Variants in TLN2 observed in about 807,000 individuals in gnomAD.
TLN2 encodes talin-2.
TLN2 carries 118 observed loss-of-function variants against 294.7 expected under a neutral mutation model. The observed-to-expected ratio is 0.40, with a 90% CI of 0.34 to 0.47. The LOEUF is 0.47. Among genes scored for constraint, TLN2 ranks in the 20% least tolerant of loss-of-function variants. TLN2 has a pLI of 0.84. For missense variants in TLN2, 3,083 were observed against 3,282.2 expected (o/e 0.94, Z 1.48); for synonymous variants, 1,431 against 1,304.5 (o/e 1.10, Z -2.09).
At chr15:62,738,128 C>T in intron 29 of TLN2, 86 bp from the exon 30 acceptor site, 1 of 1,508,758 alleles carries the variant, frequency 6.6e-7, no homozygotes. Flanking sequence ...GTATCTGCTT[C>T]AGCTCTGCAT....
At position 62,736,985 on chromosome 15, in the gene TLN2, T is replaced by C; in HGVS notation, c.3466T>C (p.Ser1156Pro). ...DPAAAHAMLD[S>P]ARDVMEGSAM... Reference sequence around the variant, plus strand: ...CGCGGCCGCCCATGCCATGTTAGATTCTGCTCGAGACGTGATGGAGGGCTC... The same window carrying C: ...CGCGGCCGCCCATGCCATGTTAGATCCTGCTCGAGACGTGATGGAGGGCTC... The change falls in exon 29 of 59, where the codon TCT (serine) becomes CCT (proline). Residue 1156 changes from serine (S) to proline (P), a missense_variant. Ser to Pro is a moderately conservative substitution (Grantham distance 74, BLOSUM62 -1). Transcript: ENST00000636159. 3.1e-6 allele frequency: 5 copies of C among 1,614,152 alleles called. No homozygotes were observed. Among genetic ancestry groups the C allele is most frequent in the Non-Finnish European group, 4.2e-6 (5 of 1,180,030 alleles).
rs372608344 is a variant in TLN2 at position 62,800,509 on chromosome 15, G to A, written c.6360+16G>A. The A allele has an allele frequency of 1.0e-4, 165 of 1,613,314 alleles. No individual in the cohort carries two copies. The highest frequency in any genetic ancestry group is 2.0e-4 in the African/African-American group (15 of 75,024). ...GGCTGCCAAGGTAGAGTGGGGCTCCGACTGGGGATGAGCACCTGAGTTCTC... is the reference window on the plus strand; with the variant it reads ...GGCTGCCAAGGTAGAGTGGGGCTCCAACTGGGGATGAGCACCTGAGTTCTC... On this transcript the variant is annotated intron_variant, in intron 49 of 58. Transcript: ENST00000636159.
intron 1 of TLN2, among the ~76,000 whole-genome samples, chr15:62,569,224 A>G (rs2043663507): frequency 6.6e-6 from 1 of 152,128 alleles, no homozygotes; most frequent in South Asian, 2.1e-4. Flanking sequence ...ATCCCTAATT[A>G]CGTCTGCAAA....
chr15:62,445,612 G>A (rs766693633), intron 1 of TLN2, among the ~76,000 whole-genome samples: 6 of 152,000 alleles, frequency 3.9e-5, no homozygotes, highest in African/African-American at 9.7e-5. Flanking sequence ...TCAGTCAAGC[G>A]TCTTATTCAG....
At chr15:62,732,201 G>A (rs118132149) in intron 28 of TLN2, among the ~76,000 whole-genome samples, 1,869 of 152,306 alleles carry the variant, frequency 0.012, 27 homozygotes, top group Admixed American at 0.017. Context: ...CAGCTGTTGT[G>A]TAGATGATGA....
intron 36 of TLN2, chr15:62,754,935 A>G (rs1328616917): frequency 6.6e-6 from 1 of 152,290 alleles, no homozygotes. Flanking sequence ...TGGGCTCTAC[A>G]GTATGGTGGC....
chr15:62,737,252 T>G (rs529807593), intron 29 of TLN2, among the ~76,000 whole-genome samples, 166 bp downstream of exon 29: 1 of 152,380 alleles, frequency 6.6e-6, no homozygotes, highest in East Asian at 1.9e-4. Context: ...ATACTCACTT[T>G]TGTAAGTCTT....
intron 18 of TLN2, 122 bp downstream of exon 18, chr15:62,702,322 C>A: frequency 9.0e-7 from 1 of 1,109,552 alleles, no homozygotes; most frequent in Non-Finnish European, 1.3e-6. Context: ...TTTCTCTCTG[C>A]AGGAGTAACT....
intron 3 of TLN2, among the ~76,000 whole-genome samples, chr15:62,634,503 T>C (rs2050201810): frequency 6.6e-6 from 1 of 152,262 alleles, no homozygotes; most frequent in South Asian, 2.1e-4. Context: ...AACTGTGCTG[T>C]AGAGAATTCA....
chr15:62,443,988 A>G (rs1448007332), intron 1 of TLN2, among the ~76,000 whole-genome samples: 2 of 152,328 alleles, frequency 1.3e-5, no homozygotes, highest in East Asian at 3.9e-4. Context: ...ACCCTGTCTC[A>G]AAACAAATAA....
intron 1 of TLN2, among the ~76,000 whole-genome samples, chr15:62,544,479 A>G (rs1194040110): frequency 1.3e-5 from 2 of 152,220 alleles, no homozygotes; most frequent in Non-Finnish European, 2.9e-5. Context: ...TTGTTTCCAC[A>G]GACACCTGGA....
chr15:62,680,593 T>C (rs1377152432), intron 11 of TLN2, among the ~76,000 whole-genome samples: 3 of 152,006 alleles, frequency 2.0e-5, no homozygotes, highest in Admixed American at 6.6e-5. Flanking sequence ...TTTTTTTTTT[T>C]CAATAGCTTT....
intron 21 of TLN2, among the ~76,000 whole-genome samples, chr15:62,709,790 A>C (rs2059307398): frequency 6.6e-6 from 1 of 150,444 alleles, no homozygotes; most frequent in Non-Finnish European, 1.5e-5. Context: ...GCTGGGGTGC[A>C]GTGGCACAAT....
At chr15:62,545,612 TCTC>T (rs1310952590) in intron 1 of TLN2, among the ~76,000 whole-genome samples, 7 of 151,872 alleles carry the variant, frequency 4.6e-5, no homozygotes, top group Non-Finnish European at 8.8e-5. Flanking sequence ...GAGCTGCAAA[TCTC>T]CTGCAAATTT....
intron 1 of TLN2, among the ~76,000 whole-genome samples, chr15:62,491,906 C>G (rs909094852): frequency 2.0e-5 from 3 of 152,100 alleles, no homozygotes; most frequent in African/African-American, 7.2e-5. Context: ...CTAGAGGAAG[C>G]CTTATCTCAC....
At chr15:62,660,279 C>T (rs2053672785) in intron 9 of TLN2, among the ~76,000 whole-genome samples, 1 of 152,114 alleles carries the variant, frequency 6.6e-6, no homozygotes, top group Admixed American at 6.5e-5. Context: ...CCAGTGATTT[C>T]TGGATTTGTT....
At chr15:62,515,278 C>G (rs888607258) in intron 1 of TLN2, among the ~76,000 whole-genome samples, 1 of 152,118 alleles carries the variant, frequency 6.6e-6, no homozygotes, top group African/African-American at 2.4e-5. Flanking sequence ...TGAGATTGAT[C>G]CATGTTGTTG....
chr15:62,731,008 C>A (rs1255890362), intron 28 of TLN2, among the ~76,000 whole-genome samples: 1 of 152,160 alleles, frequency 6.6e-6, no homozygotes, highest in African/African-American at 2.4e-5. Context: ...ATGCTTTAAT[C>A]TCAGTATCCG....
At chr15:62,819,671 C>T (rs1166887282) in intron 53 of TLN2, 50 bp downstream of exon 53, 3 of 1,519,316 alleles carry the variant, frequency 2.0e-6, no homozygotes, top group African/African-American at 2.7e-5. Flanking sequence ...CCAGGCAGTG[C>T]TAATACAGCA....
Sources: gnomAD v4.1 joint callset for allele counts (sites outside exome capture counted in the v4.1 genomes callset) on GRCh38, gnomAD v4.1.1 for gene constraint, MANE v1.5 for transcripts, NCBI Gene and HGNC (gene_info 2026-07-23, HGNC 2026-07-21) for gene names.